The following NCL variants were observed in gnomAD, a reference collection of about 807,000 sequenced individuals.
NCL encodes the protein nucleolin multifunctional protein.
A neutral mutation model predicts 77.7 loss-of-function variants in NCL; 4 were observed. The observed-to-expected ratio is 0.05, with a 90% CI of 0.03 to 0.12. NCL has a LOEUF of 0.12. Among genes scored for constraint, NCL ranks in the 10% least tolerant of loss-of-function variants. The pLI, the probability that NCL is intolerant of heterozygous loss-of-function variation, is 1.00. For missense variants in NCL, 763 were observed against 860.9 expected (o/e 0.89, Z 1.42); for synonymous variants, 344 against 297.8 (o/e 1.16, Z -1.60).
In NCL at chr2:231,464,459, C is replaced by G. The variant is rs2046981809; in HGVS notation, c.-106G>C. On this transcript the variant is annotated 5_prime_UTR_variant, in exon 1 of 14. Transcript: ENST00000322723. ...GCTGAAGATCCCGGAGCACGTACACCCGAAGGCCAGCGAGAGCTCGAGACT... is the reference window on the plus strand; with the variant it reads ...GCTGAAGATCCCGGAGCACGTACACGCGAAGGCCAGCGAGAGCTCGAGACT... 3 of 1,460,526 alleles carry G rather than the reference C, an allele frequency of 2.1e-6. No homozygotes were observed. The highest frequency in any genetic ancestry group is 2.8e-6 in the Non-Finnish European group (3 of 1,064,984). The allele number at this position is 1,460,526 out of a possible 1,614,324, so 90.5% of individuals were successfully genotyped here. A position where few individuals can be genotyped will look rare whatever the true frequency, so the allele number is the denominator to read the frequency against.
At chr2:231,459,273 G>A (rs922461704) in intron 6 of NCL, 148 bp from the exon 7 acceptor site, 13 of 807,698 alleles carry the variant, frequency 1.6e-5, no homozygotes, top group Middle Eastern at 5.2e-4. Flanking sequence ...TCAAGGCTCT[G>A]CAAACTGCAG....
In NCL at chr2:231,461,810, CTGG is replaced by C; in HGVS notation, c.340_342del (p.Pro114del). The C allele has an allele frequency of 6.2e-7, 1 of 1,613,536 alleles. No homozygotes were observed. Among genetic ancestry groups the C allele is most frequent in the Non-Finnish European group, 8.5e-7 (1 of 1,179,954 alleles). On this transcript the variant is annotated inframe_deletion, in exon 3 of 14. Coordinates refer to ENST00000322723, the MANE Select transcript of NCL (RefSeq NM_005381.3). ...CCAGGAGTTGCTACCAATGCTTTGC[CTGG>C]TGTGGCTCCCTTCTTGCCAGGTGTG... is the stretch of plus-strand genomic sequence containing the variant.
rs1230748411 is a variant in NCL, at chr2:231,461,899, G to A, written c.254C>T (p.Pro85Leu). Residue 85 changes from proline (P) to leucine (L), a missense_variant, in exon 3 of 14, where the codon CCA (proline) becomes CTA (leucine). This residue lies in a region of NCL where 590 missense variants were observed against 570.5 expected (regional missense o/e 1.03). Coordinates refer to ENST00000322723, the MANE Select transcript of NCL (RefSeq NM_005381.3). ...AGGTGTTGCTGCTGCCTTTTTGCCT[G>A]GAGTGACAGCTGCTTTCTTGGCTGG... ...ATPAKKAAVT[P>L]GKKAAATPAK... 1.9e-6 allele frequency: 3 copies of A among 1,614,180 alleles called. No homozygotes were observed.
rs1417326652 is a variant in NCL at position 231,454,863 on chromosome 2, AAAAC to A, written c.*324_*327del. ...CACGAACGCAAAAAAAAAAAAAACA[AAAAC>A]AAAACAAAAAAAAGAAACAACAACA... On this transcript the variant is annotated 3_prime_UTR_variant, in exon 14 of 14. Transcript: ENST00000322723. 1.1e-3 allele frequency: 229 copies of A among 202,754 alleles called. 2 individuals are homozygous for A. Among genetic ancestry groups the A allele is most frequent in the African/African-American group, 4.0e-3 (174 of 43,352 alleles). 12.6% of individuals were successfully genotyped at this position (202,754 alleles called of 1,614,324 possible). A position where few individuals can be genotyped will look rare whatever the true frequency, so the allele number is the denominator to read the frequency against.
In NCL at chr2:231,457,733, C is replaced by G; in HGVS notation, c.1357G>C (p.Glu453Gln). The G allele has an allele frequency of 1.2e-6, 2 of 1,612,992 alleles. No homozygotes were observed. Among genetic ancestry groups the G allele is most frequent in the Non-Finnish European group, 1.7e-6 (2 of 1,179,240 alleles). Residue 453 changes from glutamate (E) to glutamine (Q), a missense_variant, in exon 9 of 14, where the codon GAG becomes CAG. Physicochemically the swap from Glu to Gln is conservative, Grantham distance 29. Around this residue, in one of 2 missense-constraint regions of NCL, gnomAD observed 590 missense variants for 570.5 expected, o/e 1.03. Coordinates refer to ENST00000322723, the MANE Select transcript of NCL (RefSeq NM_005381.3). Reference sequence around the variant, plus strand: ...AGGGAAATAGATCGCCCATCGATCTCTGTTCCCTGCTTTTCTTCAAAGGTT... The same window carrying G: ...AGGGAAATAGATCGCCCATCGATCTGTGTTCCCTGCTTTTCTTCAAAGGTT... ...EKTFEEKQGT[E>Q]IDGRSISLYY...
chr2:231,460,235 A>G lies in NCL; in HGVS notation c.957T>C (p.Ser319=). 1.2e-6 allele frequency: 2 copies of G among 1,614,122 alleles called. No individual in the cohort carries two copies. Among genetic ancestry groups the G allele is most frequent in the Non-Finnish European group, 1.7e-6 (2 of 1,179,998 alleles). The change falls in exon 6 of 14, where the codon TCT becomes TCC. Residue 319 remains serine, a synonymous_variant. Transcript: ENST00000322723. The part of the protein sequence containing the change: ...LFVGNLNFNK[S]APELKTGISD... ...TGATACCAGTTTTTAATTCAGGAGC[A>G]GATTTGTTAAAGTTTAGGTTTCCAA...
rs888852615 is a variant in NCL, at chr2:231,460,262, A to G, written c.930T>C (p.Phe310=). The G allele has an allele frequency of 1.4e-5, 23 of 1,614,052 alleles. No homozygotes were observed. The highest frequency in any genetic ancestry group is 6.7e-5 in the African/African-American group (5 of 74,940). ...GTEPTTAFNL[F]VGNLNFNKSA... is the part of the protein sequence containing the mutation. ...ATTTGTTAAAGTTTAGGTTTCCAAC[A>G]AAGAGATTGAAAGCCGTAGTCGGTT... Residue 310 remains phenylalanine, a synonymous_variant, in exon 6 of 14, where the codon TTT becomes TTC. Transcript: ENST00000322723.
rs751929712 is a variant in NCL at position 231,461,720 on chromosome 2, T to G, written c.433A>C (p.Ser145Arg). 1 of 1,614,122 alleles carries G rather than the reference T, an allele frequency of 6.2e-7. No homozygotes were observed. The highest frequency in any genetic ancestry group is 8.5e-7 in the Non-Finnish European group (1 of 1,180,044). ...CTGTCATCATCCTCCTCTTCATCACTGTCTTCCTTCTTGGCATTCTTGCCA... is the reference window on the plus strand; with the variant it reads ...CTGTCATCATCCTCCTCTTCATCACGGTCTTCCTTCTTGGCATTCTTGCCA... ...KNGKNAKKED[S>R]DEEEDDDSEE... is the part of the protein sequence containing the mutation. Residue 145 changes from serine to arginine, a missense_variant, in exon 3 of 14, where the codon AGT becomes CGT. By Grantham distance (110) the Ser-to-Arg change is moderately radical. Transcript: ENST00000322723.
chr2:231,463,545 G>T, intron 1 of NCL: 2 of 510,986 alleles, frequency 3.9e-6, no homozygotes, highest in Non-Finnish European at 6.9e-6. Flanking sequence ...CTGCCCTAAG[G>T]TAAAAAGTCA....
intron 9 of NCL, chr2:231,457,400 A>G (rs1231268867): frequency 1.6e-5 from 12 of 748,428 alleles, no homozygotes; most frequent in Non-Finnish European, 2.4e-5. Flanking sequence ...AAAGTATAAA[A>G]CATGCCTACA....
In NCL at chr2:231,455,340, G is replaced by A. The variant is rs551609061; in HGVS notation, c.2056+61C>T. ...CTCCTCCCCAGTGATTAGGAACCGT[G>A]ACAGGGCACAGGGTCTGAAGAGCAC... On this transcript the variant is annotated intron_variant, in intron 13 of 13. Coordinates refer to ENST00000322723, the MANE Select transcript of NCL (RefSeq NM_005381.3). 14 of 1,613,392 alleles carry A rather than the reference G, an allele frequency of 8.7e-6. No individual in the cohort carries two copies. The African/African-American group carries it at 1.9e-4, about 22-fold the overall frequency.
chr2:231,462,202 T>G, intron 2 of NCL, 185 bp from the exon 3 acceptor site: 1 of 795,350 alleles, frequency 1.3e-6, no homozygotes, highest in Non-Finnish European at 2.1e-6. Flanking sequence ...TATCATAAGG[T>G]GAATACCCAG....
Position 231,456,105 on chromosome 2 carries a change from C to T in NCL, c.1737G>A (p.Leu579=). Residue 579 remains leucine, a synonymous_variant, in exon 12 of 14, where the codon CTG becomes CTA. Coordinates refer to ENST00000322723, the MANE Select transcript of NCL (RefSeq NM_005381.3). Reference sequence around the variant, plus strand: ...ATGTCTCTTCAGTGGTATCCTCAGACAGGCCTTTGACAAACAGAGTTTTGG... The same window carrying T: ...ATGTCTCTTCAGTGGTATCCTCAGATAGGCCTTTGACAAACAGAGTTTTGG... The part of the protein sequence containing the change: ...QPSKTLFVKG[L]SEDTTEETLK... The T allele has an allele frequency of 6.2e-7, 1 of 1,613,776 alleles. No individual in the cohort carries two copies. The highest frequency in any genetic ancestry group is 1.3e-5 in the African/African-American group (1 of 74,826).
In NCL at chr2:231,455,091, T is replaced by C. The variant is rs958597289; in HGVS notation, c.*100A>G. Reference sequence around the variant, plus strand: ...AAGGAGACCACAGGACTGTATACTGTCTTGGAATGTCCTCAGAAGGCTCTG... The same window carrying C: ...AAGGAGACCACAGGACTGTATACTGCCTTGGAATGTCCTCAGAAGGCTCTG... On this transcript the variant is annotated 3_prime_UTR_variant, in exon 14 of 14. Transcript: ENST00000322723. 2.5e-5 allele frequency: 33 copies of C among 1,316,318 alleles called. No individual in the cohort carries two copies. In the African/African-American group the frequency reaches 4.8e-4, roughly 19 times the overall value. 81.5% of individuals were successfully genotyped at this position (1,316,318 alleles called of 1,614,324 possible). A position where few individuals can be genotyped will look rare whatever the true frequency, so the allele number is the denominator to read the frequency against.
Position 231,457,741 on chromosome 2 carries a change from T to C in NCL, c.1349A>G (p.Gln450Arg), listed in dbSNP as rs375069435. 3.7e-6 allele frequency: 6 copies of C among 1,613,142 alleles called. No homozygotes were observed. The highest frequency in any genetic ancestry group is 5.1e-6 in the Non-Finnish European group (6 of 1,179,438). ...AGATCGCCCATCGATCTCTGTTCCC[T>C]GCTTTTCTTCAAAGGTTTTCTCTGC... The part of the protein sequence containing the change: ...ADAEKTFEEK[Q>R]GTEIDGRSIS... Residue 450 changes from glutamine (Q) to arginine (R), a missense_variant, in exon 9 of 14, where the codon CAG becomes CGG. Gln to Arg is a conservative substitution (Grantham distance 43). Around this residue, in one of 2 missense-constraint regions of NCL, gnomAD observed 590 missense variants for 570.5 expected, o/e 1.03. Coordinates refer to ENST00000322723, the MANE Select transcript of NCL (RefSeq NM_005381.3).
Position 231,455,394 on chromosome 2 carries a change from G to A in NCL, c.2056+7C>T. On this transcript the variant is annotated splice_region_variant and intron_variant, in intron 13 of 13. Coordinates refer to ENST00000322723, the MANE Select transcript of NCL (RefSeq NM_005381.3). ...CTATGTGGTGTCATTATCTCTGCGT[G>A]CCTTACCTCCAAAGCCTCCCCGGCC... The A allele has an allele frequency of 6.2e-7, 1 of 1,613,880 alleles. No homozygotes were observed. The highest frequency in any genetic ancestry group is 8.5e-7 in the Non-Finnish European group (1 of 1,179,998).
Position 231,454,950 on chromosome 2 carries a change from T to C in NCL, c.*241A>G. The C allele has an allele frequency of 2.4e-6, 1 of 412,592 alleles. No individual in the cohort carries two copies. The highest frequency in any genetic ancestry group is 3.5e-5 in the East Asian group (1 of 28,542). The allele number at this position is 412,592 out of a possible 1,614,324, so 25.6% of individuals were successfully genotyped here. A position where few individuals can be genotyped will look rare whatever the true frequency, so the allele number is the denominator to read the frequency against. Reference sequence around the variant, plus strand: ...TGTACATGGGATGAAACAATATAAATTCAAAACTTACAGATAAGGGTTAGC... The same window carrying C: ...TGTACATGGGATGAAACAATATAAACTCAAAACTTACAGATAAGGGTTAGC... On this transcript the variant is annotated 3_prime_UTR_variant, in exon 14 of 14. Transcript: ENST00000322723.
chr2:231,457,323 A>G (rs187032066), intron 9 of NCL, 199 bp from the exon 10 acceptor site: 2 of 822,200 alleles, frequency 2.4e-6, no homozygotes, highest in Admixed American at 2.0e-5. Flanking sequence ...TTGTTCTTAC[A>G]TAGGCTGATG....
rs2046878259 is a variant in NCL, at chr2:231,455,557, C to T, written c.1900G>A (p.Glu634Lys). The change falls in exon 13 of 14, where the codon GAA becomes AAA. Residue 634 changes from glutamate (E) to lysine (K), a missense_variant. This residue lies in a region of NCL where 173 missense variants were observed against 290.4 expected (regional missense o/e 0.60). Transcript: ENST00000322723. ...KAAKEAMEDGEIDGNKVTLDW... is the reference protein window; with the variant it reads ...KAAKEAMEDGKIDGNKVTLDW... Reference sequence around the variant, plus strand: ...AAGGTAACTTTATTTCCATCAATTTCACCGTCTTCCATGGCCTCCTTGGCA... The same window carrying T: ...AAGGTAACTTTATTTCCATCAATTTTACCGTCTTCCATGGCCTCCTTGGCA... The T allele has an allele frequency of 6.2e-7, 1 of 1,614,096 alleles. No homozygotes were observed. The highest frequency in any genetic ancestry group is 8.5e-7 in the Non-Finnish European group (1 of 1,180,064).
Sources: gnomAD v4.1 joint callset for allele counts on GRCh38, gnomAD v4.1.1 for gene constraint, gnomAD v4.1.1 regional missense constraint, MANE v1.5 for transcripts, NCBI Gene and HGNC (gene_info 2026-07-23, HGNC 2026-07-21) for gene names.